Variants in CELF4 observed in about 807,000 individuals in gnomAD.
CELF4 encodes CUGBP Elav-like family member 4, also known as CUG-BP- and ETR-3-like factor 4.
CELF4 carries 18 observed loss-of-function variants against 59.9 expected under a neutral mutation model. That is an observed-to-expected ratio of 0.30 (90% CI 0.21 to 0.45). The LOEUF is 0.45. Ranked by LOEUF, CELF4 falls within the 20% of genes least tolerant of loss-of-function variation. The pLI, the probability that CELF4 is intolerant of heterozygous loss-of-function variation, is 1.00. For missense variants in CELF4, 456 were observed against 689.0 expected, an observed-to-expected ratio of 0.66 and a Z score of 3.79; for synonymous variants, 261 against 267.1, an observed-to-expected ratio of 0.98 and a Z score of 0.22.
chr18:37,401,304 C>G (rs1034819815), intron 2 of CELF4, among the ~76,000 whole-genome samples: 1 of 152,232 alleles, frequency 6.6e-6, no homozygotes, highest in Non-Finnish European at 1.5e-5. Context: ...CTGATGAAAC[C>G]TTTCATGTGG....
intron 2 of CELF4, among the ~76,000 whole-genome samples, chr18:37,371,924 T>A (rs2098893434): frequency 6.6e-6 from 1 of 152,230 alleles, no homozygotes; most frequent in Admixed American, 6.5e-5. Flanking sequence ...ACACTCTTCT[T>A]AATGTGTGCA....
At chr18:37,327,555 C>T (rs1472480795) in intron 2 of CELF4, among the ~76,000 whole-genome samples, 1 of 152,222 alleles carries the variant, frequency 6.6e-6, no homozygotes, top group Non-Finnish European at 1.5e-5. Context: ...CCTTCAGCAG[C>T]AACCACTGTC....
chr18:37,435,752 G>A (rs2099689469), intron 2 of CELF4, among the ~76,000 whole-genome samples: 1 of 152,186 alleles, frequency 6.6e-6, no homozygotes, highest in African/African-American at 2.4e-5. Flanking sequence ...TTCAGCCTCA[G>A]TTGACACCCC....
intron 1 of CELF4, among the ~76,000 whole-genome samples, chr18:37,558,291 C>T (rs975842782): frequency 6.6e-5 from 10 of 151,540 alleles, no homozygotes; most frequent in African/African-American, 1.9e-4. Flanking sequence ...TAGGGCTATG[C>T]GGAACTTGAT....
At chr18:37,287,001 C>T (rs951236110) in intron 3 of CELF4, among the ~76,000 whole-genome samples, 33 of 152,262 alleles carry the variant, frequency 2.2e-4, no homozygotes, top group Admixed American at 8.5e-4. Flanking sequence ...GCTGCCCCTG[C>T]GCCCTCAGGA....
chr18:37,311,239 C>T (rs571395438), intron 3 of CELF4, among the ~76,000 whole-genome samples: 11 of 152,276 alleles, frequency 7.2e-5, no homozygotes, highest in Non-Finnish European at 1.5e-4. Context: ...AGCAGGTTTG[C>T]AGTTAATTAT....
At chr18:37,485,504 G>A (rs1265311968) in intron 2 of CELF4, 21 bp downstream of exon 2, 1 of 1,326,718 alleles carries the variant, frequency 7.5e-7, no homozygotes, top group Non-Finnish European at 9.7e-7. Flanking sequence ...GGCCGCTTGC[G>A]CCACGGCGGG....
At chr18:37,251,163 T>C (rs1310131609) in intron 12 of CELF4, among the ~76,000 whole-genome samples, 2 of 152,160 alleles carry the variant, frequency 1.3e-5, no homozygotes, top group Non-Finnish European at 2.9e-5. Context: ...TAACACTACC[T>C]ACCTTATAGG....
intron 2 of CELF4, among the ~76,000 whole-genome samples, chr18:37,334,737 C>G (rs1402143522): frequency 6.6e-6 from 1 of 151,938 alleles, no homozygotes; most frequent in South Asian, 2.1e-4. Context: ...GGGGGGACAG[C>G]TCCTTTCTCT....
intron 3 of CELF4, among the ~76,000 whole-genome samples, chr18:37,285,559 C>T (rs1302294358): frequency 6.6e-6 from 1 of 152,224 alleles, no homozygotes; most frequent in South Asian, 2.1e-4. Context: ...GGCTCCTTCA[C>T]TCTCATCTCT....
intron 2 of CELF4, among the ~76,000 whole-genome samples, chr18:37,409,730 G>GACTCTGAC (rs1331458977): frequency 6.6e-6 from 1 of 152,132 alleles, no homozygotes; most frequent in African/African-American, 2.4e-5. Context: ...GTAGGGAGGG[G>GACTCTGAC]ACAGAAGTGT....
intron 2 of CELF4, among the ~76,000 whole-genome samples, chr18:37,484,025 C>T (rs529582429): frequency 6.6e-6 from 1 of 152,092 alleles, no homozygotes; most frequent in Non-Finnish European, 1.5e-5. Context: ...AAATCCTAAA[C>T]CTCCCCCTCT....
intron 3 of CELF4, among the ~76,000 whole-genome samples, chr18:37,292,917 T>C (rs772594553): frequency 2.2e-4 from 34 of 152,248 alleles, no homozygotes; most frequent in Admixed American, 3.9e-4. Flanking sequence ...CAGGCTGTAA[T>C]AAAACTTATT....
At chr18:37,504,014 G>T (rs969640766) in intron 1 of CELF4, among the ~76,000 whole-genome samples, 3 of 152,208 alleles carry the variant, frequency 2.0e-5, no homozygotes, top group Non-Finnish European at 4.4e-5. Flanking sequence ...GAGAGGATGG[G>T]AGTTCCTGGA....
At chr18:37,534,324 G>T (rs2099971800) in intron 1 of CELF4, among the ~76,000 whole-genome samples, 1 of 152,138 alleles carries the variant, frequency 6.6e-6, no homozygotes, top group Non-Finnish European at 1.5e-5. Flanking sequence ...TGGGCAGAAG[G>T]TGTCCAGCAC....
intron 2 of CELF4, among the ~76,000 whole-genome samples, chr18:37,402,893 C>CTTCTCCCAGGAAGG: frequency 6.6e-6 from 1 of 152,278 alleles, no homozygotes; most frequent in South Asian, 2.1e-4. Flanking sequence ...TTCCCTGGGC[C>CTTCTCCCAGGAAGG]CTTCTCCCCC....
rs1165815962 is a variant in CELF4 at position 37,503,621 on chromosome 18, C to T, written c.287-18014G>A. On this transcript the variant is annotated intron_variant, in intron 1 of 12. Transcript: ENST00000420428. Reference sequence around the variant, plus strand: ...ACTCATGCGTGGAGGACAAGACATTCTCAGAAAAGTCACTAAAAGGGGTGC... The same window carrying T: ...ACTCATGCGTGGAGGACAAGACATTTTCAGAAAAGTCACTAAAAGGGGTGC... 2.0e-5 allele frequency among the ~76,000 whole-genome samples: 3 copies of T among 152,324 alleles called. No homozygotes were observed. In the East Asian group the frequency reaches 5.8e-4, roughly 29 times the overall value.
At chr18:37,286,779 CTG>C (rs915067688) in intron 3 of CELF4, among the ~76,000 whole-genome samples, 2 of 152,144 alleles carry the variant, frequency 1.3e-5, no homozygotes, top group Non-Finnish European at 2.9e-5. Flanking sequence ...CACCTGAACA[CTG>C]TGCCGAGAAC....
intron 2 of CELF4, among the ~76,000 whole-genome samples, chr18:37,390,668 C>A (rs1223748203): frequency 6.6e-6 from 1 of 151,908 alleles, no homozygotes; most frequent in African/African-American, 2.4e-5. Context: ...TAAATACTTA[C>A]TGACTGGCTG....
Sources: allele counts gnomAD v4.1 joint callset (sites outside exome capture counted in the v4.1 genomes callset), GRCh38; gene constraint gnomAD v4.1.1; transcripts MANE v1.5; gene names NCBI Gene and HGNC (gene_info 2026-07-23, HGNC 2026-07-21).